The following MTHFD2L variants were observed in gnomAD, a reference collection of about 807,000 sequenced individuals.
The protein encoded by MTHFD2L is methylenetetrahydrofolate dehydrogenase (NADP+ dependent) 2 like, also known as bifunctional methylenetetrahydrofolate dehydrogenase/cyclohydrolase 2, mitochondrial.
In MTHFD2L, 29 loss-of-function variants were observed where a neutral mutation model predicts 34.9. The observed-to-expected ratio is 0.83, with a 90% CI of 0.62 to 1.13. MTHFD2L has a LOEUF of 1.13. Ranked by LOEUF, MTHFD2L falls within the 50% of genes most tolerant of loss-of-function variation. The pLI, the probability that MTHFD2L is intolerant of heterozygous loss-of-function variation, is 0.00. For missense variants in MTHFD2L, 481 were observed against 446.5 expected (o/e 1.08, Z -0.70); for synonymous variants, 167 against 155.7 (o/e 1.07, Z -0.54).
Position 74,199,848 on chromosome 4 carries a change from A to G in MTHFD2L, c.506A>G (p.Asp169Gly). Residue 169 changes from aspartate to glycine, a missense_variant, in exon 4 of 8, where the codon GAT becomes GGT. Asp to Gly is a moderately conservative substitution (Grantham distance 94). Transcript: ENST00000325278. ...CNGIAPEKDV[D>G]GFHIINIGRL... ...GGAATTGCCCCAGAAAAAGATGTAG[A>G]TGGATTTCATATTATCAATATTGGA... is the stretch of plus-strand genomic sequence containing the variant. 4.3e-6 allele frequency: 7 copies of G among 1,613,904 alleles called. No homozygotes were observed. The highest frequency in any genetic ancestry group is 5.9e-6 in the Non-Finnish European group (7 of 1,179,856).
chr4:74,184,595 A>G (rs1471247487), intron 3 of MTHFD2L, among the ~76,000 whole-genome samples: 2 of 152,190 alleles, frequency 1.3e-5, no homozygotes, highest in East Asian at 3.8e-4. Flanking sequence ...ACTTCTTAAT[A>G]ATGGAGAAAA....
rs58216953 is a variant in MTHFD2L at position 74,256,656 on chromosome 4, C to G, written c.806-24769C>G. 6.7e-3 allele frequency among the ~76,000 whole-genome samples: 1,019 copies of G among 152,278 alleles called. 15 individuals are homozygous for G. Among genetic ancestry groups the G allele is most frequent in the African/African-American group, 0.022 (911 of 41,564 alleles). On this transcript the variant is annotated intron_variant, in intron 6 of 7. Coordinates refer to ENST00000325278, the MANE Select transcript of MTHFD2L (RefSeq NM_001144978.3). ...ATTTATGGAATAGAAAGTCCTTTCC[C>G]CATTGCTATTTTTGTCAATGGGGAC... is the stretch of plus-strand genomic sequence containing the variant.
At chr4:74,267,213 G>T (rs1417298683) in intron 6 of MTHFD2L, 3 of 985,018 alleles carry the variant, frequency 3.0e-6, no homozygotes, top group Non-Finnish European at 1.2e-6. Flanking sequence ...GTCCCTACTG[G>T]CCTGCAGTCT....
intron 3 of MTHFD2L, among the ~76,000 whole-genome samples, chr4:74,197,316 T>A (rs1733654858): frequency 6.6e-6 from 1 of 152,210 alleles, no homozygotes; most frequent in Non-Finnish European, 1.5e-5. Context: ...AGACTTTTAG[T>A]AGCAGTCAGT....
In MTHFD2L at chr4:74,302,008, A is replaced by G; in HGVS notation, c.*199A>G. 1 of 400,630 alleles carries G rather than the reference A, an allele frequency of 2.5e-6. No homozygotes were observed. The highest frequency in any genetic ancestry group is 4.5e-6 in the Non-Finnish European group (1 of 223,826). The allele number at this position is 400,630 out of a possible 1,614,324, so 24.8% of individuals were successfully genotyped here. On this transcript the variant is annotated 3_prime_UTR_variant, in exon 8 of 8. Transcript: ENST00000325278. ...TATTTTGAGTTTTAAGAAAACAACC[A>G]AAACAATTCCAATGAAAATTTTAGT...
At chr4:74,128,470 G>A (rs1041475393) in intron 1 of MTHFD2L, among the ~76,000 whole-genome samples, 1 of 152,030 alleles carries the variant, frequency 6.6e-6, no homozygotes, top group South Asian at 2.1e-4. Flanking sequence ...TTATGAAAGA[G>A]ACTGCCCTTC....
At chr4:74,250,468 A>T (rs981552430) in intron 6 of MTHFD2L, among the ~76,000 whole-genome samples, 2 of 152,090 alleles carry the variant, frequency 1.3e-5, no homozygotes, top group African/African-American at 2.4e-5. Context: ...TCCATTAGGG[A>T]AGGAATTTTT....
chr4:74,286,814 C>A (rs1451100198), intron 7 of MTHFD2L, among the ~76,000 whole-genome samples: 1 of 152,150 alleles, frequency 6.6e-6, no homozygotes, highest in Non-Finnish European at 1.5e-5. Context: ...TGCCATCTCT[C>A]CTCCCTGTAT....
intron 2 of MTHFD2L, among the ~76,000 whole-genome samples, chr4:74,116,784 T>A (rs1334327844): frequency 2.0e-5 from 3 of 152,218 alleles, no homozygotes; most frequent in African/African-American, 7.2e-5. Context: ...TATGAAAAGT[T>A]TTCCTTGGCT....
chr4:74,140,565 T>C (rs1723216914), intron 1 of MTHFD2L: 1 of 979,064 alleles, frequency 1.0e-6, no homozygotes, highest in Admixed American at 6.1e-5. Context: ...TAGGCTATAC[T>C]ACAAAAAAGG....
intron 5 of MTHFD2L, chr4:74,224,195 T>C (rs1400951079): frequency 6.6e-6 from 1 of 152,130 alleles, no homozygotes; most frequent in Non-Finnish European, 1.5e-5. Flanking sequence ...CCCGGAAGGC[T>C]CTTCTGCCTT....
At chr4:74,277,932 T>C (rs1329613150) in intron 6 of MTHFD2L, among the ~76,000 whole-genome samples, 1 of 152,058 alleles carries the variant, frequency 6.6e-6, no homozygotes, top group Non-Finnish European at 1.5e-5. Flanking sequence ...GACTATTTCT[T>C]ACCCTCTGCA....
At chr4:74,196,448 G>A (rs567070665) in intron 3 of MTHFD2L, among the ~76,000 whole-genome samples, 73 of 152,180 alleles carry the variant, frequency 4.8e-4, no homozygotes, top group African/African-American at 1.7e-3. Flanking sequence ...AGAGACTATA[G>A]GAAAAATAAG....
chr4:74,137,811 G>T (rs568488143), intron 1 of MTHFD2L, among the ~76,000 whole-genome samples: 1 of 151,998 alleles, frequency 6.6e-6, no homozygotes, highest in Non-Finnish European at 1.5e-5. Flanking sequence ...TCAGCAACAT[G>T]GATGGAACTT....
At chr4:74,299,950 T>A (rs986110692) in intron 7 of MTHFD2L, among the ~76,000 whole-genome samples, 7 of 152,034 alleles carry the variant, frequency 4.6e-5, no homozygotes, top group African/African-American at 1.7e-4. Context: ...TGACATTTCA[T>A]TGGCTTTCAG....
chr4:74,209,586 G>T (rs1271964), intron 5 of MTHFD2L, among the ~76,000 whole-genome samples: 4,712 of 152,250 alleles, frequency 0.031, 264 homozygotes, highest in African/African-American at 0.11. Context: ...TCTTAATCCA[G>T]TATATTATTG....
chr4:74,210,784 G>T (rs967300620), intron 5 of MTHFD2L, among the ~76,000 whole-genome samples: 5 of 152,118 alleles, frequency 3.3e-5, no homozygotes, highest in African/African-American at 1.2e-4. Context: ...GGGCAGTATG[G>T]CCATTTTCAT....
intron 5 of MTHFD2L, among the ~76,000 whole-genome samples, chr4:74,208,781 G>C (rs1360530551): frequency 6.6e-6 from 1 of 152,138 alleles, no homozygotes; most frequent in Non-Finnish European, 1.5e-5. Flanking sequence ...TTCTCTCAGA[G>C]CGCCACCCAG....
intron 6 of MTHFD2L, among the ~76,000 whole-genome samples, chr4:74,238,782 A>G (rs1284484636): frequency 6.6e-6 from 1 of 152,226 alleles, no homozygotes; most frequent in Non-Finnish European, 1.5e-5. Context: ...TCAAAACCAC[A>G]ATGAGATACC....
Sources: gnomAD v4.1 joint callset for allele counts (sites outside exome capture counted in the v4.1 genomes callset) on GRCh38, gnomAD v4.1.1 for gene constraint, MANE v1.5 for transcripts, NCBI Gene and HGNC (gene_info 2026-07-23, HGNC 2026-07-21) for gene names.